BANK1: variants seen among roughly 807,000 people sequenced by gnomAD.
BANK1 encodes B-cell scaffold protein with ankyrin repeats.
BANK1 carries 95 observed loss-of-function variants against 94.5 expected under a neutral mutation model. That is an observed-to-expected ratio of 1.00 (90% CI 0.85 to 1.19). BANK1 has a LOEUF of 1.19. Ranked by LOEUF, BANK1 falls within the 50% of genes most tolerant of loss-of-function variation. The pLI is 0.00. For missense variants in BANK1, 987 were observed against 932.2 expected, an observed-to-expected ratio of 1.06 and a Z score of -0.77; for synonymous variants, 334 against 308.4, an observed-to-expected ratio of 1.08 and a Z score of -0.87.
intron 5 of BANK1, among the ~76,000 whole-genome samples, chr4:101,878,251 A>G (rs1728561321): frequency 6.6e-6 from 1 of 152,158 alleles, no homozygotes; most frequent in Non-Finnish European, 1.5e-5. Context: ...TGAAAATGAA[A>G]GGATGAAAAA....
At chr4:101,986,899 G>GTATATA (rs1166018412) in intron 7 of BANK1, among the ~76,000 whole-genome samples, 2,867 of 82,624 alleles carry the variant, frequency 0.035, 302 homozygotes, top group Middle Eastern at 0.086. Flanking sequence ...GTGTGTGTGT[G>GTATATA]TATATATATA....
chr4:101,863,925 G>T (rs996328223), intron 4 of BANK1, among the ~76,000 whole-genome samples: 4 of 152,078 alleles, frequency 2.6e-5, no homozygotes, highest in Non-Finnish European at 5.9e-5. Context: ...AGCAGATCAA[G>T]ATGTCAAATA....
intron 7 of BANK1, among the ~76,000 whole-genome samples, chr4:102,017,633 G>C (rs941678875): frequency 1.3e-5 from 2 of 152,198 alleles, no homozygotes; most frequent in African/African-American, 4.8e-5. Context: ...AAGATTGAGA[G>C]ACAAGGTCAC....
intron 7 of BANK1, among the ~76,000 whole-genome samples, chr4:101,922,009 C>CGTGT (rs68027862): frequency 0.082 from 10,662 of 129,310 alleles, 515 homozygotes; most frequent in Middle Eastern, 0.11. Flanking sequence ...ACACTGGGCC[C>CGTGT]GTGTGTGTGT....
At chr4:101,843,175 A>G (rs1727121567) in intron 2 of BANK1, among the ~76,000 whole-genome samples, 1 of 152,206 alleles carries the variant, frequency 6.6e-6, no homozygotes, top group South Asian at 2.1e-4. Flanking sequence ...CACTTTTTTA[A>G]TGTACCATCT....
At chr4:101,814,452 A>G (rs1293756972) in intron 1 of BANK1, among the ~76,000 whole-genome samples, 3 of 152,216 alleles carry the variant, frequency 2.0e-5, no homozygotes, top group Non-Finnish European at 2.9e-5. Context: ...GGGAAATGCC[A>G]ACAGAGTTTT....
chr4:102,047,973 A>G (rs1727938256), intron 11 of BANK1, among the ~76,000 whole-genome samples: 1 of 152,156 alleles, frequency 6.6e-6, no homozygotes, highest in South Asian at 2.1e-4. Context: ...GCAATATTGT[A>G]TTGATTACTA....
chr4:101,967,857 C>A (rs900218548), intron 7 of BANK1, among the ~76,000 whole-genome samples: 2 of 152,000 alleles, frequency 1.3e-5, no homozygotes, highest in Middle Eastern at 3.2e-3. Context: ...CATATGGAAA[C>A]AAAGGACTTT....
intron 7 of BANK1, among the ~76,000 whole-genome samples, chr4:101,963,927 C>T (rs12509248): frequency 0.38 from 57,252 of 151,842 alleles, 11,904 homozygotes; most frequent in South Asian, 0.53. Flanking sequence ...ATAATCTTAA[C>T]ATCATTTTAG....
chr4:102,012,900 C>A (rs1726558924), intron 7 of BANK1, among the ~76,000 whole-genome samples: 1 of 152,040 alleles, frequency 6.6e-6, no homozygotes, highest in African/African-American at 2.4e-5. Context: ...CTTCAATCTG[C>A]CAACCTGGAA....
intron 7 of BANK1, among the ~76,000 whole-genome samples, chr4:101,989,412 C>T (rs1424072936): frequency 3.6e-5 from 3 of 82,824 alleles, no homozygotes; most frequent in African/African-American, 1.5e-4. Flanking sequence ...GCCTGGGGTA[C>T]AAGAGCAAGA....
chr4:101,962,125 A>G (rs1466104096), intron 7 of BANK1, among the ~76,000 whole-genome samples: 3 of 152,158 alleles, frequency 2.0e-5, no homozygotes, highest in East Asian at 1.9e-4. Flanking sequence ...CTTATCACAC[A>G]TTCCTGGAGA....
intron 1 of BANK1, among the ~76,000 whole-genome samples, chr4:101,817,258 G>A (rs1336312783): frequency 6.6e-6 from 1 of 152,066 alleles, no homozygotes. Flanking sequence ...ATTCACAATA[G>A]TAAATTTATG....
chr4:102,040,212 C>G (rs1472874848), intron 10 of BANK1, among the ~76,000 whole-genome samples: 1 of 152,074 alleles, frequency 6.6e-6, no homozygotes, highest in African/African-American at 2.4e-5. Flanking sequence ...CTCCTCTGCT[C>G]TTCTGCTAGT....
Position 101,918,152 on chromosome 4 carries a change from G to T in BANK1, c.1169G>T (p.Gly390Val), listed in dbSNP as rs753349659. 2 of 1,590,162 alleles carry T rather than the reference G, an allele frequency of 1.3e-6. No individual in the cohort carries two copies. Among genetic ancestry groups the T allele is most frequent in the South Asian group, 1.2e-5 (1 of 85,472 alleles). The part of the protein sequence containing the change: ...SDPAHIAERH[G>V]HKELKKIFED... ...CCCGCACATATTGCTGAAAGGCATG[G>T]TCACAAAGAACTCAAGAAAATCTTC... Residue 390 changes from glycine to valine, a missense_variant, in exon 7 of 17, where the codon GGT becomes GTT. Gly to Val is a moderately radical substitution (Grantham distance 109). Coordinates refer to ENST00000322953, the MANE Select transcript of BANK1 (RefSeq NM_017935.5).
chr4:101,950,048 TGTGTGTGTGTGTGCGC>T (rs1413996175), intron 7 of BANK1, among the ~76,000 whole-genome samples: 48 of 139,588 alleles, frequency 3.4e-4, no homozygotes, highest in African/African-American at 1.3e-3. Context: ...TGTGTGTGTG[TGTGTGTGTGTGTGCGC>T]GTGCGCGCGC....
At chr4:101,913,568 C>T (rs1722736538) in intron 6 of BANK1, among the ~76,000 whole-genome samples, 1 of 152,148 alleles carries the variant, frequency 6.6e-6, no homozygotes, top group African/African-American at 2.4e-5. Flanking sequence ...TCATTGCCTA[C>T]TTCTCTCTGG....
rs188010554 is a variant in BANK1, at chr4:102,008,098, G to A, written c.1207-13416G>A. Among the ~76,000 whole-genome samples the A allele has an allele frequency of 5.9e-5, 9 of 152,214 alleles. No individual in the cohort carries two copies. In the East Asian group the frequency reaches 1.5e-3, roughly 26 times the overall value. Reference sequence around the variant, plus strand: ...GTCTCTTATGTGTCATCTGCCCACAGTGCAGATGGTTTTGACAGGGAAAGA... The same window carrying A: ...GTCTCTTATGTGTCATCTGCCCACAATGCAGATGGTTTTGACAGGGAAAGA... On this transcript the variant is annotated intron_variant, in intron 7 of 16. Coordinates refer to ENST00000322953, the MANE Select transcript of BANK1 (RefSeq NM_017935.5).
chr4:102,031,159 G>A (rs936190955), intron 10 of BANK1, among the ~76,000 whole-genome samples: 1 of 152,156 alleles, frequency 6.6e-6, no homozygotes, highest in Non-Finnish European at 1.5e-5. Flanking sequence ...GTATCTCACT[G>A]TGGTTTCGAT....
Sources: gnomAD v4.1 joint callset for allele counts (sites outside exome capture counted in the v4.1 genomes callset) on GRCh38, gnomAD v4.1.1 for gene constraint, MANE v1.5 for transcripts, NCBI Gene and HGNC (gene_info 2026-07-23, HGNC 2026-07-21) for gene names.